The following SLC25A53 variants were observed in gnomAD, a reference collection of about 807,000 sequenced individuals.
SLC25A53 encodes mitochondrial carrier triple repeat protein 6.
Under a neutral mutation model 15.0 loss-of-function variants are expected in SLC25A53, and 5 were observed. The observed-to-expected ratio is 0.33, with a 90% CI of 0.17 to 0.70. The LOEUF is 0.70. SLC25A53 is among the 30% of genes least tolerant of loss of function. SLC25A53 has a pLI of 0.67. For missense variants in SLC25A53, 216 were observed against 241.6 expected (o/e 0.89, Z 0.70); for synonymous variants, 95 against 100.0 (o/e 0.95, Z 0.30).
At chrX:104,107,338 C>T (rs1468265676) in intron 1 of SLC25A53, among the ~76,000 whole-genome samples, 5 of 112,045 alleles carry the variant, frequency 4.5e-5, no homozygotes, top group Non-Finnish European at 9.4e-5. Context: ...CCTCCTTTAC[C>T]CTCATAGCCA....
At chrX:104,154,879 A>G (rs2075495732) in intron 1 of SLC25A53, among the ~76,000 whole-genome samples, 1 of 111,880 alleles carries the variant, frequency 8.9e-6, no homozygotes, top group South Asian at 3.7e-4. Flanking sequence ...AAACTATTAA[A>G]TTCCATGTTG....
At chrX:104,117,103 C>T (rs376299092) in intron 1 of SLC25A53, among the ~76,000 whole-genome samples, 1 of 101,337 alleles carries the variant, frequency 9.9e-6, no homozygotes, top group African/African-American at 3.7e-5. Context: ...CAGTCTCATT[C>T]CTATCCGCCC....
chrX:104,112,815 G>A (rs1404767297), intron 1 of SLC25A53: 1 of 112,322 alleles, frequency 8.9e-6, no homozygotes, highest in Non-Finnish European at 1.9e-5. Context: ...AAGAAAGAAC[G>A]CGCGATTGCC....
intron 1 of SLC25A53, among the ~76,000 whole-genome samples, chrX:104,128,261 T>C (rs186966953): frequency 3.6e-5 from 4 of 111,933 alleles, no homozygotes; most frequent in African/African-American, 1.3e-4. Flanking sequence ...TTAGTACTTT[T>C]AGACCCTAAA....
chrX:104,126,406 C>T (rs2075411009), intron 1 of SLC25A53, among the ~76,000 whole-genome samples: 1 of 111,571 alleles, frequency 9.0e-6, no homozygotes, highest in Non-Finnish European at 1.9e-5. Context: ...GTATTCCCAG[C>T]ACTTTGGGAG....
At chrX:104,146,323 T>C (rs1282680136) in intron 1 of SLC25A53, among the ~76,000 whole-genome samples, 2 of 111,941 alleles carry the variant, frequency 1.8e-5, no homozygotes, top group African/African-American at 6.5e-5. Context: ...ATAAGAGCTA[T>C]TTATGACAAA....
At chrX:104,132,032 G>A (rs1014678489) in intron 1 of SLC25A53, among the ~76,000 whole-genome samples, 4 of 111,870 alleles carry the variant, frequency 3.6e-5, no homozygotes, top group Non-Finnish European at 3.8e-5. Context: ...ACTGATCCCC[G>A]ACCATTCAAC....
intron 1 of SLC25A53, chrX:104,130,522 T>C (rs1452064506): frequency 1.8e-5 from 2 of 111,385 alleles, no homozygotes; most frequent in African/African-American, 3.3e-5. Context: ...CTCTAGTACA[T>C]GGATATGCTT....
chrX:104,141,994 C>A (rs782693846), intron 1 of SLC25A53, among the ~76,000 whole-genome samples: 1 of 111,935 alleles, frequency 8.9e-6, no homozygotes, highest in African/African-American at 3.2e-5. Context: ...AAAAGTGAAC[C>A]AGCCTTCTCA....
intron 1 of SLC25A53, among the ~76,000 whole-genome samples, chrX:104,147,725 GA>G (rs1360581103): frequency 8.9e-6 from 1 of 111,828 alleles, no homozygotes; most frequent in Non-Finnish European, 1.9e-5. Context: ...GGCCATCAGA[GA>G]AATGCAAATC....
In SLC25A53 at chrX:104,104,388, G is replaced by C. The variant is rs1556354483; in HGVS notation, c.870C>G (p.Ile290Met). 3 of 1,211,646 alleles carry C rather than the reference G, an allele frequency of 2.5e-6. No individual in the cohort carries two copies. Among genetic ancestry groups the C allele is most frequent in the Non-Finnish European group, 3.4e-6 (3 of 895,427 alleles). ...GCGACTTCCTCTGCAGGAAGTCATG[G>C]ATTGCCGTAGTGAGGCCCCATGTCA... ...SSVTWGLTTA[I>M]HDFLQRKSHS... Residue 290 changes from isoleucine (I) to methionine (M), a missense_variant, in exon 2 of 2, where the codon ATC becomes ATG. Coordinates refer to ENST00000594199, the MANE Select transcript of SLC25A53 (RefSeq NM_001012755.5).
intron 1 of SLC25A53, among the ~76,000 whole-genome samples, chrX:104,135,859 CATCT>C (rs2075435328): frequency 2.7e-5 from 3 of 111,959 alleles, no homozygotes; most frequent in South Asian, 7.3e-4. Context: ...AGGAATTTAC[CATCT>C]ATCTGAGAAG....
chrX:104,131,881 G>C (rs1328530593), intron 1 of SLC25A53, among the ~76,000 whole-genome samples: 1 of 111,574 alleles, frequency 9.0e-6, no homozygotes, highest in African/African-American at 3.3e-5. Flanking sequence ...AACAGCCAAA[G>C]CTTAATTCGT....
At chrX:104,140,174 G>T (rs2075447353) in intron 1 of SLC25A53, among the ~76,000 whole-genome samples, 1 of 111,442 alleles carries the variant, frequency 9.0e-6, no homozygotes, top group Non-Finnish European at 1.9e-5. Context: ...CCAGGCTGGA[G>T]TGTAGTAGTG....
chrX:104,109,713 A>G (rs1556357445), intron 1 of SLC25A53, among the ~76,000 whole-genome samples: 1 of 111,529 alleles, frequency 9.0e-6, no homozygotes. Context: ...GAAGCCTGAC[A>G]CAAGTTACTT....
chrX:104,117,252 G>A (rs1485579497), intron 1 of SLC25A53, among the ~76,000 whole-genome samples: 1 of 76,390 alleles, frequency 1.3e-5, no homozygotes, highest in African/African-American at 5.5e-5. Flanking sequence ...CCATATCCCC[G>A]CAATCTCATT....
intron 1 of SLC25A53, among the ~76,000 whole-genome samples, chrX:104,143,647 G>A (rs2075457479): frequency 2.7e-5 from 3 of 111,946 alleles, no homozygotes; most frequent in East Asian, 2.8e-4. Flanking sequence ...TGAAAGTGAC[G>A]GGGAGAATGG....
chrX:104,103,801 C>T lies in SLC25A53; in HGVS notation c.*533G>A, dbSNP rs2075292362. 8.8e-6 allele frequency: 1 copy of T among 113,069 alleles called. No individual in the cohort carries two copies. The highest frequency in any genetic ancestry group is 3.7e-4 in the South Asian group (1 of 2,700). The allele number at this position is 113,069 out of a possible 1,213,427, so 9.3% of individuals were successfully genotyped here. On this transcript the variant is annotated 3_prime_UTR_variant, in exon 2 of 2. Coordinates refer to ENST00000594199, the MANE Select transcript of SLC25A53 (RefSeq NM_001012755.5). ...CCTAATTTAGGATTTCCAGCCACAG[C>T]TGCTACCCTGAAAGTAGGACCCACA...
Position 104,101,198 on chromosome X carries a change from C to G in SLC25A53, c.*3136G>C, listed in dbSNP as rs1431971193. On this transcript the variant is annotated 3_prime_UTR_variant, in exon 2 of 2. Coordinates refer to ENST00000594199, the MANE Select transcript of SLC25A53 (RefSeq NM_001012755.5). ...AGGGTGAGGTACTGCGGAAGGGGCT[C>G]AGAGCTTCTGTGCCCTCCCTGGGTC... 3 of 112,537 alleles carry G rather than the reference C, an allele frequency of 2.7e-5. No homozygotes were observed. Among genetic ancestry groups the G allele is most frequent in the African/African-American group, 9.7e-5 (3 of 30,939 alleles). 9.3% of individuals were successfully genotyped at this position (112,537 alleles called of 1,213,427 possible). A position where few individuals can be genotyped will look rare whatever the true frequency, so the allele number is the denominator to read the frequency against.
Sources: allele counts gnomAD v4.1 joint callset (sites outside exome capture counted in the v4.1 genomes callset), GRCh38; gene constraint gnomAD v4.1.1; transcripts MANE v1.5; gene names NCBI Gene and HGNC (gene_info 2026-07-23, HGNC 2026-07-21).